The following NRXN3 variants were observed in gnomAD, a reference collection of about 807,000 sequenced individuals.
The protein encoded by NRXN3 is neurexin III.
In NRXN3, 32 loss-of-function variants were observed where a neutral mutation model predicts 137.6. That is an observed-to-expected ratio of 0.23 (90% CI 0.18 to 0.31). NRXN3 has a LOEUF of 0.31. NRXN3 is among the 10% of genes least tolerant of loss of function. The pLI is 1.00. For missense variants in NRXN3, 1,574 were observed against 2,062.5 expected (o/e 0.76, Z 4.59); for synonymous variants, 798 against 784.5 (o/e 1.02, Z -0.29).
intron 4 of NRXN3, among the ~76,000 whole-genome samples, chr14:78,349,974 G>A (rs214028): frequency 0.95 from 144,786 of 152,304 alleles, 68,852 homozygotes; most frequent in Admixed American, 0.98. Flanking sequence ...GTTAGAGAGT[G>A]GTATGGTAAC....
intron 8 of NRXN3, among the ~76,000 whole-genome samples, chr14:78,747,888 C>T (rs368679318): frequency 2.0e-5 from 3 of 152,130 alleles, no homozygotes; most frequent in Admixed American, 6.5e-5. Flanking sequence ...AGCTTTTGTG[C>T]ATTATGGGAC....
At chr14:78,675,224 C>T (rs140141526) in intron 6 of NRXN3, among the ~76,000 whole-genome samples, 1 of 152,280 alleles carries the variant, frequency 6.6e-6, no homozygotes, top group East Asian at 1.9e-4. Flanking sequence ...ACCACCTGGC[C>T]TTCTAGGCAT....
intron 16 of NRXN3, among the ~76,000 whole-genome samples, chr14:79,496,956 G>A (rs2096773153): frequency 6.6e-6 from 1 of 152,140 alleles, no homozygotes; most frequent in Non-Finnish European, 1.5e-5. Context: ...CCCTCTGCGG[G>A]TATTAATCCA....
At chr14:79,764,065 G>A (rs1307274351) in intron 19 of NRXN3, among the ~76,000 whole-genome samples, 1 of 151,792 alleles carries the variant, frequency 6.6e-6, no homozygotes, top group East Asian at 1.9e-4. Flanking sequence ...TGTAAATGTG[G>A]CATTGTTTAA....
chr14:78,464,339 A>G (rs1231278142), intron 4 of NRXN3, among the ~76,000 whole-genome samples: 1 of 152,240 alleles, frequency 6.6e-6, no homozygotes, highest in Non-Finnish European at 1.5e-5. Flanking sequence ...TATAGGCGTT[A>G]GCCACTGCGC....
At chr14:79,215,283 A>G (rs545646707) in intron 15 of NRXN3, among the ~76,000 whole-genome samples, 83 of 152,240 alleles carry the variant, frequency 5.5e-4, no homozygotes, top group African/African-American at 1.9e-3. Flanking sequence ...GCTTTGTCAT[A>G]TTTTTTATAA....
intron 10 of NRXN3, among the ~76,000 whole-genome samples, chr14:78,871,522 CTT>C (rs546072664): frequency 5.9e-5 from 9 of 152,120 alleles, no homozygotes; most frequent in Non-Finnish European, 1.3e-4. Flanking sequence ...GAATTTGAAT[CTT>C]TGCCTGAGGT....
Position 78,622,999 on chromosome 14 carries a change from C to T in NRXN3, c.758-22121C>T, listed in dbSNP as rs540611274. Among the ~76,000 whole-genome samples the T allele has an allele frequency of 3.7e-4, 57 of 152,250 alleles. 1 individual carries two copies. The South Asian group carries it at 7.7e-3, about 21-fold the overall frequency. On this transcript the variant is annotated intron_variant, in intron 4 of 20. Transcript: ENST00000335750. ...GTGCTTTCTGTATATTATGTCTCTT[C>T]GTCTCTACAAAAAACCCCAGGACTT...
intron 16 of NRXN3, among the ~76,000 whole-genome samples, chr14:79,598,206 A>G (rs2097881767): frequency 1.3e-5 from 2 of 152,194 alleles, no homozygotes; most frequent in Non-Finnish European, 2.9e-5. Flanking sequence ...TCGTCTTTGC[A>G]GTATAGTATC....
At chr14:79,428,319 T>C (rs889411873) in intron 15 of NRXN3, among the ~76,000 whole-genome samples, 5 of 137,192 alleles carry the variant, frequency 3.6e-5, no homozygotes, top group African/African-American at 1.2e-4. Flanking sequence ...CTCAGCTTTT[T>C]CTTTCTTTTA....
At chr14:79,665,634 G>A (rs184347) in intron 17 of NRXN3, among the ~76,000 whole-genome samples, 59,174 of 151,932 alleles carry the variant, frequency 0.39, 15,881 homozygotes, top group African/African-American at 0.77. Context: ...TTGTGTTTCT[G>A]TTAGGAATTT....
chr14:79,852,770 T>C (rs1017007059), intron 20 of NRXN3, among the ~76,000 whole-genome samples: 10 of 152,146 alleles, frequency 6.6e-5, no homozygotes, highest in Admixed American at 6.5e-5. Context: ...TGCGTCTGGT[T>C]GTTCATCTCT....
chr14:79,169,224 CTAT>C lies in NRXN3; in HGVS notation c.3262+181084_3262+181086del, dbSNP rs1322820556. ...ACAGCCTGGATCCTACTCACTGAGA[CTAT>C]AGGCTGTCAGAATGCTACATGCTCC... On this transcript the variant is annotated intron_variant, in intron 15 of 20. Coordinates refer to ENST00000335750, the MANE Select transcript of NRXN3 (RefSeq NM_001330195.2). Among the ~76,000 whole-genome samples, 10 of 152,064 alleles carry C rather than the reference CTAT, an allele frequency of 6.6e-5. No individual in the cohort carries two copies. The South Asian group carries it at 2.1e-3, about 31-fold the overall frequency.
chr14:78,541,684 G>A (rs145704004), intron 4 of NRXN3, among the ~76,000 whole-genome samples: 1,764 of 152,306 alleles, frequency 0.012, 27 homozygotes, highest in African/African-American at 0.039. Flanking sequence ...ATCCTTTGGA[G>A]GAGAAGAGGC....
chr14:79,536,414 G>A (rs2097211705), intron 16 of NRXN3, among the ~76,000 whole-genome samples: 1 of 149,360 alleles, frequency 6.7e-6, no homozygotes, highest in Admixed American at 6.7e-5. Context: ...TTTACATCTG[G>A]TCACAACATT....
At chr14:78,542,108 C>A (rs944680317) in intron 4 of NRXN3, among the ~76,000 whole-genome samples, 7 of 152,298 alleles carry the variant, frequency 4.6e-5, no homozygotes, top group Non-Finnish European at 1.0e-4. Context: ...AGGTGTCTCC[C>A]AGTTAGGCTA....
intron 4 of NRXN3, among the ~76,000 whole-genome samples, chr14:78,524,014 C>T (rs183922526): frequency 6.6e-6 from 1 of 152,164 alleles, no homozygotes; most frequent in Admixed American, 6.5e-5. Flanking sequence ...GTTCTGTTCA[C>T]TCAGACTGAG....
intron 15 of NRXN3, among the ~76,000 whole-genome samples, chr14:79,029,268 G>A (rs2099603505): frequency 6.6e-6 from 1 of 152,066 alleles, no homozygotes; most frequent in Non-Finnish European, 1.5e-5. Flanking sequence ...TTAATTTGTA[G>A]CCAGTGTAAC....
intron 20 of NRXN3, among the ~76,000 whole-genome samples, chr14:79,857,567 TCA>T (rs2099405471): frequency 6.9e-6 from 1 of 144,592 alleles, no homozygotes; most frequent in African/African-American, 2.6e-5. Context: ...GAGAAATACA[TCA>T]CTTTCTCCTC....
Sources: allele counts gnomAD v4.1 joint callset (sites outside exome capture counted in the v4.1 genomes callset), GRCh38; gene constraint gnomAD v4.1.1; transcripts MANE v1.5; gene names NCBI Gene and HGNC (gene_info 2026-07-23, HGNC 2026-07-21).